Variants in SSMEM1 observed in about 807,000 individuals in gnomAD.
SSMEM1 encodes serine rich single-pass membrane protein 1.
SSMEM1 carries 12 observed loss-of-function variants against 9.9 expected under a neutral mutation model. The observed-to-expected ratio is 1.21, with a 90% confidence interval of 0.78 to 1.96. SSMEM1 has a LOEUF of 1.96. Among genes scored for constraint, SSMEM1 ranks in the 30% most tolerant of loss-of-function variants. The pLI is 0.00. For missense variants in SSMEM1, 259 were observed against 292.2 expected (o/e 0.89, Z 0.83); for synonymous variants, 96 against 98.9 (o/e 0.97, Z 0.17).
chr7:130,213,745 T>C (rs2727839), intron 2 of SSMEM1, among the ~76,000 whole-genome samples: 144,505 of 146,220 alleles, frequency 0.99, 71,401 homozygotes, highest in East Asian at 1. Context: ...AAAAGAAAAA[T>C]GAAATAAAGA....
rs144152895 is a variant in SSMEM1 at position 130,209,437 on chromosome 7, G to A, written c.183+1344G>A. ...AAATGCTTCTTAAGGTAAATACTTT[G>A]CCAAAAGGAGATTTAGAATAATGAT... is the stretch of plus-strand genomic sequence containing the variant. On this transcript the variant is annotated intron_variant, in intron 1 of 2. Coordinates refer to ENST00000297819, the MANE Select transcript of SSMEM1 (RefSeq NM_145268.4). Among the ~76,000 whole-genome samples the A allele has an allele frequency of 3.1e-3, 477 of 152,276 alleles. 4 individuals are homozygous for A. Among genetic ancestry groups the A allele is most frequent in the African/African-American group, 0.011 (452 of 41,550 alleles).
At chr7:130,215,732 C>T (rs1396441784) in intron 2 of SSMEM1, among the ~76,000 whole-genome samples, 2 of 152,122 alleles carry the variant, frequency 1.3e-5, no homozygotes, top group Non-Finnish European at 2.9e-5. Context: ...TTAGCATCCA[C>T]AAAACTTCAA....
chr7:130,213,431 A>T (rs1384446006), intron 1 of SSMEM1, 49 bp from the exon 2 acceptor site: 1 of 1,524,746 alleles, frequency 6.6e-7, no homozygotes, highest in East Asian at 2.3e-5. Flanking sequence ...AGTACATATT[A>T]TCAAAAAACA....
rs376077146 is a variant in SSMEM1, at chr7:130,216,177, A to G, written c.442A>G (p.Thr148Ala). 28 of 1,614,104 alleles carry G rather than the reference A, an allele frequency of 1.7e-5. No individual in the cohort carries two copies. In the African/African-American group the frequency reaches 2.3e-4, roughly 13 times the overall value. The change falls in exon 3 of 3, where the codon ACG (threonine) becomes GCG (alanine). Residue 148 changes from threonine to alanine, a missense_variant. Physicochemically the swap from Thr to Ala is moderately conservative, Grantham distance 58. Transcript: ENST00000297819. ...VNQNQHDSDTTEYGSEESNSE... is the reference protein window; with the variant it reads ...VNQNQHDSDTAEYGSEESNSE... ...CCAGAACCAACATGACAGTGATACTACGGAGTATGGCAGTGAAGAGTCTAA... is the reference window on the plus strand; with the variant it reads ...CCAGAACCAACATGACAGTGATACTGCGGAGTATGGCAGTGAAGAGTCTAA...
At chr7:130,214,301 A>G (rs1170521993) in intron 2 of SSMEM1, among the ~76,000 whole-genome samples, 8 of 152,080 alleles carry the variant, frequency 5.3e-5, no homozygotes, top group Non-Finnish European at 8.8e-5. Context: ...GGTCTCAGCT[A>G]CTCAGGAGGC....
chr7:130,205,447 G>T (rs761441924), upstream of SSMEM1: 62 of 1,610,724 alleles, frequency 3.8e-5, no homozygotes, highest in Non-Finnish European at 5.0e-5. Flanking sequence ...CAAGCGGGAG[G>T]CCACCGGCAA....
chr7:130,208,124 A>G, intron 1 of SSMEM1, 31 bp downstream of exon 1: 2 of 1,572,504 alleles, frequency 1.3e-6, no homozygotes, highest in Non-Finnish European at 1.7e-6. Flanking sequence ...TTTAAATAAT[A>G]TGTTTACTGT....
upstream of SSMEM1, among the ~76,000 whole-genome samples, chr7:130,205,767 T>TG (rs1287485927): frequency 1.3e-5 from 2 of 152,194 alleles, no homozygotes; most frequent in African/African-American, 2.4e-5. Context: ...CGTGATAAAG[T>TG]GGCCAGACAC....
chr7:130,216,324 C>T lies in SSMEM1; in HGVS notation c.589C>T (p.His197Tyr), dbSNP rs1798707430. The change falls in exon 3 of 3, where the codon CAC becomes TAC. Residue 197 changes from histidine to tyrosine, a missense_variant. Coordinates refer to ENST00000297819, the MANE Select transcript of SSMEM1 (RefSeq NM_145268.4). ...NLGSYQMSER[H>Y]CLHCKALRTN... ...GGGAAGTTACCAAATGAGCGAAAGGCACTGCCTCCACTGCAAAGCCTTGAG... is the reference window on the plus strand; with the variant it reads ...GGGAAGTTACCAAATGAGCGAAAGGTACTGCCTCCACTGCAAAGCCTTGAG... 2 of 1,614,056 alleles carry T rather than the reference C, an allele frequency of 1.2e-6. No individual in the cohort carries two copies. Among genetic ancestry groups the T allele is most frequent in the African/African-American group, 1.3e-5 (1 of 74,916 alleles).
chr7:130,216,063 A>G lies in SSMEM1; in HGVS notation c.328A>G (p.Thr110Ala). 6.2e-7 allele frequency: 1 copy of G among 1,614,176 alleles called. No homozygotes were observed. The highest frequency in any genetic ancestry group is 8.5e-7 in the Non-Finnish European group (1 of 1,180,038). Residue 110 changes from threonine to alanine, a missense_variant, in exon 3 of 3, where the codon ACC becomes GCC. Thr to Ala is a moderately conservative substitution (Grantham distance 58). Coordinates refer to ENST00000297819, the MANE Select transcript of SSMEM1 (RefSeq NM_145268.4). ...TMKKPKQNQL[T>A]PVTNSEVALV... The stretch of plus-strand genomic sequence containing the variant: ...GAAGAAACCAAAGCAGAACCAACTT[A>G]CCCCTGTAACCAACTCAGAAGTGGC...
Position 130,216,630 on chromosome 7 carries a change from T to A in SSMEM1, c.*160T>A, listed in dbSNP as rs1463328790. 2 of 902,542 alleles carry A rather than the reference T, an allele frequency of 2.2e-6. No individual in the cohort carries two copies. Among genetic ancestry groups the A allele is most frequent in the Admixed American group, 6.0e-5 (2 of 33,190 alleles). The allele number at this position is 902,542 out of a possible 1,614,324, so 55.9% of individuals were successfully genotyped here. ...CAAGAGGTAAAATCTCACACAATTC[T>A]TCGTTCAAAAAAAAAAAGGCCATCA... is the stretch of plus-strand genomic sequence containing the variant. On this transcript the variant is annotated 3_prime_UTR_variant, in exon 3 of 3. Transcript: ENST00000297819.
At chr7:130,212,730 AAAAAAC>A (rs985468480) in intron 1 of SSMEM1, among the ~76,000 whole-genome samples, 2 of 152,040 alleles carry the variant, frequency 1.3e-5, no homozygotes, top group South Asian at 2.1e-4. Flanking sequence ...CGTCTCAAAA[AAAAAAC>A]AAAAACAAAA....
chr7:130,213,710 A>AAAAAAAAAAAAAAAAG (rs1562906803), intron 2 of SSMEM1, among the ~76,000 whole-genome samples, 176 bp downstream of exon 2: 16 of 119,354 alleles, frequency 1.3e-4, no homozygotes, highest in East Asian at 2.9e-4. Flanking sequence ...AAAAAAAAAA[A>AAAAAAAAAAAAAAAAG]AAAAGAAAAG....
At chr7:130,211,556 G>C (rs1798592336) in intron 1 of SSMEM1, among the ~76,000 whole-genome samples, 1 of 152,164 alleles carries the variant, frequency 6.6e-6, no homozygotes, top group Admixed American at 6.5e-5. Context: ...AAAGATGCTT[G>C]CCTACCATTG....
chr7:130,206,051 G>C (rs1458395181), upstream of SSMEM1, among the ~76,000 whole-genome samples: 3 of 152,158 alleles, frequency 2.0e-5, no homozygotes, highest in Non-Finnish European at 4.4e-5. Flanking sequence ...CCCAAAATTT[G>C]TTTTATTGAA....
chr7:130,213,405 A>G (rs1798632083), intron 1 of SSMEM1, 75 bp from the exon 2 acceptor site: 2 of 1,182,858 alleles, frequency 1.7e-6, no homozygotes, highest in East Asian at 2.4e-5. Context: ...GGCCTCAGCA[A>G]TAGTGTTTTA....
At chr7:130,206,443 C>A (rs1011660657), upstream of SSMEM1, among the ~76,000 whole-genome samples, 7 of 152,180 alleles carry the variant, frequency 4.6e-5, no homozygotes, top group Non-Finnish European at 1.0e-4. Flanking sequence ...TTAAGCCATG[C>A]CACAGTAAGC....
chr7:130,215,937 C>T, intron 2 of SSMEM1, 37 bp from the exon 3 acceptor site: 1 of 1,601,024 alleles, frequency 6.2e-7, no homozygotes, highest in Non-Finnish European at 8.5e-7. Context: ...TAGTAACCAA[C>T]AATATTACTA....
At chr7:130,209,655 C>A (rs1798555113) in intron 1 of SSMEM1, among the ~76,000 whole-genome samples, 1 of 152,254 alleles carries the variant, frequency 6.6e-6, no homozygotes, top group Non-Finnish European at 1.5e-5. Flanking sequence ...TCTTGGCTCA[C>A]TGCAACCTCA....
Sources: gnomAD v4.1 joint callset for allele counts (sites outside exome capture counted in the v4.1 genomes callset) on GRCh38, gnomAD v4.1.1 for gene constraint, MANE v1.5 for transcripts, NCBI Gene and HGNC (gene_info 2026-07-23, HGNC 2026-07-21) for gene names.